The following VNN2 variants were observed in gnomAD, a reference collection of about 807,000 sequenced individuals.
The protein encoded by VNN2 is pantetheine hydrolase VNN2.
A neutral mutation model predicts 43.0 loss-of-function variants in VNN2; 43 were observed. That is an observed-to-expected ratio of 1.00 (90% CI 0.78 to 1.29). VNN2 has a LOEUF of 1.29. VNN2 is among the 50% of genes most tolerant of loss of function. VNN2 has a pLI of 0.00. For synonymous variants in VNN2, 230 were observed against 224.3 expected, an observed-to-expected ratio of 1.03 and a Z score of -0.23; for missense variants, 652 against 619.7, an observed-to-expected ratio of 1.05 and a Z score of -0.55.
In VNN2 at chr6:132,757,616, C is replaced by T. The variant is rs555291920; in HGVS notation, c.213+55G>A. 3.3e-4 allele frequency: 528 copies of T among 1,607,534 alleles called. 4 individuals carry two copies. The highest frequency in any genetic ancestry group is 3.7e-5 in the Non-Finnish European group (44 of 1,175,284). ...ACAGACAATTCAGCTCTCTCGTCTT[C>T]CACCAGCTCCCATGCCCCTCGTGTA... is the stretch of plus-strand genomic sequence containing the variant. On this transcript the variant is annotated intron_variant, in intron 1 of 6. Coordinates refer to ENST00000326499, the MANE Select transcript of VNN2 (RefSeq NM_004665.6).
intron 4 of VNN2, 36 bp from the exon 5 acceptor site, chr6:132,751,554 C>A (rs773841299): frequency 1.3e-6 from 2 of 1,561,418 alleles, no homozygotes; most frequent in African/African-American, 1.4e-5. Flanking sequence ...AAAACAACAC[C>A]ACACACAAAA....
chr6:132,746,841 T>C (rs1284817927), intron 6 of VNN2, among the ~76,000 whole-genome samples: 3 of 152,160 alleles, frequency 2.0e-5, no homozygotes, highest in African/African-American at 7.2e-5. Flanking sequence ...TTATCTATCT[T>C]GCAAATTTGA....
upstream of VNN2, among the ~76,000 whole-genome samples, chr6:132,761,450 A>G (rs1323452271): frequency 6.6e-6 from 1 of 152,086 alleles, no homozygotes; most frequent in African/African-American, 2.4e-5. Flanking sequence ...ATTTGAGGTC[A>G]GGAGTTCGAG....
At chr6:132,753,070 G>T (rs1049958359) in intron 3 of VNN2, 1 of 219,188 alleles carries the variant, frequency 4.6e-6, no homozygotes, top group Non-Finnish European at 9.2e-6. Context: ...TTTCTGAGAC[G>T]GAGCCTCGCT....
upstream of VNN2, among the ~76,000 whole-genome samples, chr6:132,762,136 G>A (rs559286531): frequency 2.0e-5 from 3 of 152,278 alleles, no homozygotes; most frequent in South Asian, 2.1e-4. Flanking sequence ...CTCCTGATTC[G>A]TGCTAAACCC....
intron 5 of VNN2, among the ~76,000 whole-genome samples, chr6:132,750,414 C>T (rs1056828356): frequency 3.3e-5 from 5 of 150,684 alleles, no homozygotes; most frequent in African/African-American, 7.3e-5. Flanking sequence ...CCGAGGCAGT[C>T]GGATCAGCAG....
chr6:132,756,105 A>G (rs751485996), intron 2 of VNN2, 70 bp from the exon 3 acceptor site: 15 of 1,382,648 alleles, frequency 1.1e-5, no homozygotes, highest in Non-Finnish European at 1.3e-5. Flanking sequence ...TGGAAACGAT[A>G]GCAACTGTAA....
intron 3 of VNN2, 80 bp from the exon 4 acceptor site, chr6:132,752,829 A>G (rs1780205217): frequency 1.3e-6 from 2 of 1,492,996 alleles, no homozygotes; most frequent in Non-Finnish European, 1.8e-6. Context: ...TAAGTTGGTA[A>G]CAGATTTGGC....
At chr6:132,755,610 A>G (rs1368883577) in intron 3 of VNN2, among the ~76,000 whole-genome samples, 1 of 152,010 alleles carries the variant, frequency 6.6e-6, no homozygotes, top group Non-Finnish European at 1.5e-5. Context: ...CCTGGCCTCA[A>G]GTGATCCACC....
chr6:132,755,580 G>A (rs1780413456), intron 3 of VNN2, among the ~76,000 whole-genome samples: 1 of 151,676 alleles, frequency 6.6e-6, no homozygotes, highest in East Asian at 1.9e-4. Flanking sequence ...TCACAATGTT[G>A]GCCAGACTGG....
intron 6 of VNN2, among the ~76,000 whole-genome samples, chr6:132,749,305 A>T (rs1779908158): frequency 6.6e-6 from 1 of 152,196 alleles, no homozygotes; most frequent in Non-Finnish European, 1.5e-5. Flanking sequence ...ACTTGCAAAG[A>T]TTTGTTTTTC....
At chr6:132,760,306 C>A (rs1780710385), upstream of VNN2, among the ~76,000 whole-genome samples, 1 of 152,172 alleles carries the variant, frequency 6.6e-6, no homozygotes, top group Admixed American at 6.5e-5. Flanking sequence ...TCGCTAGTAG[C>A]TGGAACACCA....
upstream of VNN2, among the ~76,000 whole-genome samples, chr6:132,758,550 G>A (rs566382683): frequency 7.9e-5 from 12 of 151,988 alleles, no homozygotes; most frequent in African/African-American, 2.7e-4. Context: ...ACTAACTCTC[G>A]TGTAAAAAAA....
At chr6:132,763,264 A>G (rs1482775154) in intron 1 of VNN2, 1 of 151,538 alleles carries the variant, frequency 6.6e-6, no homozygotes, top group East Asian at 1.9e-4. Flanking sequence ...AGAAAAGTTT[A>G]TGTCTTATTG....
intron 6 of VNN2, among the ~76,000 whole-genome samples, chr6:132,745,494 G>T (rs1214588616): frequency 2.0e-5 from 3 of 152,230 alleles, no homozygotes; most frequent in South Asian, 2.1e-4. Flanking sequence ...GGGATTACAG[G>T]CGTGAGCTAT....
intron 6 of VNN2, among the ~76,000 whole-genome samples, chr6:132,748,621 C>T (rs529449044): frequency 6.6e-6 from 1 of 152,176 alleles, no homozygotes; most frequent in Non-Finnish European, 1.5e-5. Flanking sequence ...TCAGAGAAGA[C>T]ATTAATATTC....
Position 132,752,983 on chromosome 6 carries a change from C to G in VNN2, c.538-234G>C, listed in dbSNP as rs1780221495. On this transcript the variant is annotated intron_variant, in intron 3 of 6. Transcript: ENST00000326499. ...CTCTCCCTTCTCTCTCTTTCCCTCT[C>G]TCTCAGTTAAGAGCCAAATACCCCC... The G allele has an allele frequency of 1.1e-5, 5 of 462,678 alleles. No homozygotes were observed. The South Asian group carries it at 1.9e-4, about 17-fold the overall frequency. 28.7% of individuals were successfully genotyped at this position (462,678 alleles called of 1,614,324 possible).
At chr6:132,746,060 CAA>C (rs1196971923) in intron 6 of VNN2, among the ~76,000 whole-genome samples, 1 of 152,146 alleles carries the variant, frequency 6.6e-6, no homozygotes, top group Non-Finnish European at 1.5e-5. Context: ...TGATCCTCAC[CAA>C]ATCAGTGAGG....
rs907333298 is a variant in VNN2, at chr6:132,752,805, T to G, written c.538-56A>C. 3.2e-6 allele frequency: 5 copies of G among 1,544,670 alleles called. No individual in the cohort carries two copies. In the African/African-American group the frequency reaches 5.5e-5, roughly 17 times the overall value. On this transcript the variant is annotated intron_variant, in intron 3 of 6. Coordinates refer to ENST00000326499, the MANE Select transcript of VNN2 (RefSeq NM_004665.6). ...AAACCTTATTTGTTGAAGAAATGAC[T>G]CATAAAAACCCTCTAAGTTGGTAAC...
Sources: allele counts gnomAD v4.1 joint callset (sites outside exome capture counted in the v4.1 genomes callset), GRCh38; gene constraint gnomAD v4.1.1; transcripts MANE v1.5; gene names NCBI Gene and HGNC (gene_info 2026-07-23, HGNC 2026-07-21).